NRK: variants seen among roughly 807,000 people sequenced by gnomAD.
The protein encoded by NRK is Nik related kinase.
NRK carries 67 observed loss-of-function variants against 125.2 expected under a neutral mutation model. That is an observed-to-expected ratio of 0.54 (90% confidence interval 0.44 to 0.66). The LOEUF is 0.66. Among genes scored for constraint, NRK ranks in the 30% least tolerant of loss-of-function variants. The probability of loss-of-function intolerance (pLI) is 0.00; values close to 1 mark genes in which losing one functional copy is unlikely to be tolerated. For synonymous variants in NRK, 458 were observed against 429.0 expected (o/e 1.07, Z -0.84); for missense variants, 1,224 against 1,192.9 (o/e 1.03, Z -0.38).
chrX:105,906,764 C>CGT (rs61655627), intron 11 of NRK, among the ~76,000 whole-genome samples, 175 bp downstream of exon 11: 5,490 of 87,443 alleles, frequency 0.063, 181 homozygotes, highest in East Asian at 0.15. Flanking sequence ...TTTTCTCTTG[C>CGT]GTGTGTGTGT....
At position 105,945,995 on chromosome X, in the gene NRK, C is replaced by G. The variant is rs745850463; in HGVS notation, c.4183C>G (p.Leu1395Val). The G allele has an allele frequency of 1.7e-6, 2 of 1,207,972 alleles. No individual in the cohort carries two copies. Among genetic ancestry groups the G allele is most frequent in the South Asian group, 3.5e-5 (2 of 56,450 alleles). ...VNRFKRPDELLHLLKLKVFPT... is the reference protein window; with the variant it reads ...VNRFKRPDELVHLLKLKVFPT... ...CCGGTTTAAGAGACCAGATGAGCTCCTTCATTTGCTGAAGCTCAAGGCAAG... is the reference window on the plus strand; with the variant it reads ...CCGGTTTAAGAGACCAGATGAGCTCGTTCATTTGCTGAAGCTCAAGGCAAG... The change falls in exon 25 of 29, where the codon CTT becomes GTT. Residue 1395 changes from leucine (L) to valine (V), a missense_variant. Leu to Val is a conservative substitution (Grantham distance 32, BLOSUM62 1). Coordinates refer to ENST00000243300, the MANE Select transcript of NRK (RefSeq NM_198465.4).
intron 28 of NRK, among the ~76,000 whole-genome samples, chrX:105,953,413 TTA>T (rs1447844261): frequency 8.9e-6 from 1 of 112,538 alleles, no homozygotes; most frequent in Non-Finnish European, 1.9e-5. Flanking sequence ...AAAATTCTAG[TTA>T]TGTCTTAAGC....
intron 1 of NRK, among the ~76,000 whole-genome samples, chrX:105,829,145 T>TA (rs2039153778): frequency 8.9e-6 from 1 of 111,851 alleles, no homozygotes; most frequent in African/African-American, 3.2e-5. Flanking sequence ...GTAAATAACT[T>TA]ACCCAGAGTC....
chrX:105,913,693 A>G (rs953352307), intron 14 of NRK, among the ~76,000 whole-genome samples: 1 of 111,479 alleles, frequency 9.0e-6, no homozygotes, highest in Admixed American at 9.6e-5. Flanking sequence ...TTAAATAATC[A>G]TAGTTTGTCA....
At chrX:105,829,840 T>G (rs28673385) in intron 1 of NRK, among the ~76,000 whole-genome samples, 21,383 of 110,868 alleles carry the variant, frequency 0.19, 1,548 homozygotes, top group Middle Eastern at 0.32. Context: ...TGATCTTGCT[T>G]TGTTATTCAT....
chrX:105,883,692 C>T (rs2039910233), intron 4 of NRK, among the ~76,000 whole-genome samples: 1 of 112,541 alleles, frequency 8.9e-6, no homozygotes, highest in Non-Finnish European at 1.9e-5. Context: ...CATCAAGCTA[C>T]CAAACTAGTG....
At chrX:105,851,620 A>G (rs1214790778) in intron 2 of NRK, among the ~76,000 whole-genome samples, 1 of 112,088 alleles carries the variant, frequency 8.9e-6, no homozygotes, top group Non-Finnish European at 1.9e-5. Context: ...AATGAGGCAC[A>G]TGGCAGGTAA....
At chrX:105,940,085 T>C (rs1324209684) in intron 23 of NRK, 53 bp downstream of exon 23, 8 of 861,927 alleles carry the variant, frequency 9.3e-6, no homozygotes, top group African/African-American at 2.1e-5. Flanking sequence ...ATCCTTTCAT[T>C]TGGTGAACTA....
chrX:105,934,500 T>C (rs2040636145), intron 20 of NRK, 56 bp downstream of exon 20: 1 of 724,751 alleles, frequency 1.4e-6, no homozygotes, highest in Non-Finnish European at 2.0e-6. Flanking sequence ...TATTAAATAG[T>C]GTTTAACCAC....
intron 14 of NRK, among the ~76,000 whole-genome samples, chrX:105,915,264 C>G (rs2040351382): frequency 9.1e-6 from 1 of 110,301 alleles, no homozygotes; most frequent in South Asian, 3.8e-4. Flanking sequence ...TTTTGAAAAT[C>G]TAGGGTTAGC....
intron 1 of NRK, among the ~76,000 whole-genome samples, chrX:105,825,137 G>T (rs958579811): frequency 8.0e-5 from 9 of 111,953 alleles, no homozygotes; most frequent in African/African-American, 2.9e-4. Context: ...ATTTTTCAGC[G>T]ATTTGGGGTT....
At chrX:105,955,466 T>A in intron 28 of NRK, 39 bp from the exon 29 acceptor site, 3 of 807,829 alleles carry the variant, frequency 3.7e-6, no homozygotes, top group Non-Finnish European at 5.4e-6. Flanking sequence ...TTGCAATGTA[T>A]TAAATATCTG....
intron 2 of NRK, among the ~76,000 whole-genome samples, chrX:105,877,136 C>A (rs1346042732): frequency 1.8e-5 from 2 of 111,823 alleles, no homozygotes; most frequent in Non-Finnish European, 3.8e-5. Flanking sequence ...CATTTCACTT[C>A]TGTGATATCC....
intron 23 of NRK, among the ~76,000 whole-genome samples, chrX:105,943,600 G>A (rs1296688945): frequency 8.9e-6 from 1 of 112,044 alleles, no homozygotes; most frequent in African/African-American, 3.2e-5. Flanking sequence ...TTGAATCTAT[G>A]GAGACAATTT....
intron 4 of NRK, among the ~76,000 whole-genome samples, chrX:105,887,334 C>T (rs2039960560): frequency 8.9e-6 from 1 of 112,006 alleles, no homozygotes; most frequent in African/African-American, 3.2e-5. Flanking sequence ...AGATGCTCAA[C>T]ATCATTAGTC....
intron 14 of NRK, among the ~76,000 whole-genome samples, chrX:105,913,456 A>G (rs1035409086): frequency 8.9e-6 from 1 of 112,083 alleles, no homozygotes; most frequent in Non-Finnish European, 1.9e-5. Context: ...GTTTCATTAT[A>G]CAATATCAAA....
At chrX:105,931,830 T>A (rs1440640236) in intron 19 of NRK, among the ~76,000 whole-genome samples, 1 of 110,689 alleles carries the variant, frequency 9.0e-6, no homozygotes, top group Non-Finnish European at 1.9e-5. Flanking sequence ...TTTTTCTGAG[T>A]TTTTTTTTAT....
chrX:105,864,592 A>C (rs989096888), intron 2 of NRK, among the ~76,000 whole-genome samples: 38 of 111,259 alleles, frequency 3.4e-4, no homozygotes, highest in African/African-American at 1.2e-3. Flanking sequence ...ACACACACAC[A>C]CAGACACGCA....
intron 2 of NRK, among the ~76,000 whole-genome samples, chrX:105,841,424 AT>A (rs1255781223): frequency 8.9e-6 from 1 of 111,921 alleles, no homozygotes; most frequent in Non-Finnish European, 1.9e-5. Flanking sequence ...TGAAGTGGGA[AT>A]TTTGTGTTAT....
Sources: gnomAD v4.1 joint callset for allele counts (sites outside exome capture counted in the v4.1 genomes callset) on GRCh38, gnomAD v4.1.1 for gene constraint, MANE v1.5 for transcripts, NCBI Gene and HGNC (gene_info 2026-07-23, HGNC 2026-07-21) for gene names.